DDI2: variants seen among roughly 807,000 people sequenced by gnomAD.
The protein encoded by DDI2 is DDI proteasomal shuttling factor 2.
In DDI2, 5 loss-of-function variants were observed where a neutral mutation model predicts 48.1. The observed-to-expected ratio is 0.10, with a 90% CI of 0.05 to 0.22. The LOEUF (loss-of-function observed/expected upper bound fraction) is 0.22. Among genes scored for constraint, DDI2 ranks in the 10% least tolerant of loss-of-function variants. The pLI is 1.00. For synonymous variants in DDI2, 205 were observed against 183.6 expected, an observed-to-expected ratio of 1.12 and a Z score of -0.94; for missense variants, 285 against 506.2, an observed-to-expected ratio of 0.56 and a Z score of 4.19.
At chr1:15,619,067 G>GA (rs1442891898) in intron 1 of DDI2, among the ~76,000 whole-genome samples, 3 of 152,208 alleles carry the variant, frequency 2.0e-5, no homozygotes, top group Non-Finnish European at 4.4e-5. Context: ...CTCATGTGGA[G>GA]AACTAGGAAA....
intron 6 of DDI2, 97 bp downstream of exon 6, chr1:15,643,747 T>G (rs1333972054): frequency 2.0e-6 from 3 of 1,484,386 alleles, no homozygotes; most frequent in African/African-American, 1.4e-5. Flanking sequence ...TGTTGTTATT[T>G]TGTTGTTGTT....
chr1:15,639,678 G>C (rs568591971), intron 5 of DDI2, among the ~76,000 whole-genome samples: 1 of 152,244 alleles, frequency 6.6e-6, no homozygotes, highest in African/African-American at 2.4e-5. Flanking sequence ...TGTGTAGGCT[G>C]ATTGGGAACT....
chr1:15,628,228 A>T (rs959430896), intron 2 of DDI2, among the ~76,000 whole-genome samples: 1 of 152,152 alleles, frequency 6.6e-6, no homozygotes. Context: ...CTTGACCTGC[A>T]AAGAGGGCCC....
chr1:15,665,265 A>T lies in DDI2; in HGVS notation c.*5475A>T, dbSNP rs991184199. 6.5e-6 allele frequency: 1 copy of T among 153,056 alleles called. No individual in the cohort carries two copies. Among genetic ancestry groups the T allele is most frequent in the Non-Finnish European group, 1.4e-5 (1 of 69,312 alleles). 9.5% of individuals were successfully genotyped at this position (153,056 alleles called of 1,614,324 possible). ...CAACAAGAGCAAAACTCTGTCTCAAAAAAAAAAAAAAAAAAGGTAACCAGT... is the reference window on the plus strand; with the variant it reads ...CAACAAGAGCAAAACTCTGTCTCAATAAAAAAAAAAAAAAAGGTAACCAGT... On this transcript the variant is annotated 3_prime_UTR_variant, in exon 10 of 10. Transcript: ENST00000480945.
In DDI2 at chr1:15,640,085, A is replaced by C. The variant is rs150943248; in HGVS notation, c.760+1651A>C. 8.9e-4 allele frequency among the ~76,000 whole-genome samples: 135 copies of C among 152,166 alleles called. 2 individuals carry two copies. In the East Asian group the frequency reaches 0.023, roughly 25 times the overall value. The stretch of plus-strand genomic sequence containing the variant: ...CCTGGGAGTTTAAAAAAAAACTGAA[A>C]TTATTCAGTTTAAAAAATATCTGTT... On this transcript the variant is annotated intron_variant, in intron 5 of 9. Coordinates refer to ENST00000480945, the MANE Select transcript of DDI2 (RefSeq NM_032341.5).
At chr1:15,635,734 G>T (rs1639917954) in intron 4 of DDI2, among the ~76,000 whole-genome samples, 1 of 152,142 alleles carries the variant, frequency 6.6e-6, no homozygotes, top group East Asian at 1.9e-4. Flanking sequence ...TGAAAACCTT[G>T]TACCTCTGAA....
intron 3 of DDI2, among the ~76,000 whole-genome samples, chr1:15,631,163 A>T (rs1330048380): frequency 6.6e-6 from 1 of 151,998 alleles, no homozygotes; most frequent in Non-Finnish European, 1.5e-5. Context: ...TTTTAACCTT[A>T]GTTAGATCTT....
rs1640443499 is a variant in DDI2, at chr1:15,665,748, C to CCTTG, written c.*5960_*5963dup. On this transcript the variant is annotated 3_prime_UTR_variant, in exon 10 of 10. Transcript: ENST00000480945. ...AAATATATATATATATAGCAAACAG[C>CCTTG]CTTGCAAATCATCGGCCAGAAAAGC... is the stretch of plus-strand genomic sequence containing the variant. The CCTTG allele has an allele frequency of 1.3e-5, 2 of 152,100 alleles. No homozygotes were observed. Among genetic ancestry groups the CCTTG allele is most frequent in the South Asian group, 4.1e-4 (2 of 4,828 alleles). The allele number at this position is 152,100 out of a possible 1,614,324, so 9.4% of individuals were successfully genotyped here.
At chr1:15,643,148 C>T (rs929176179) in intron 5 of DDI2, among the ~76,000 whole-genome samples, 5 of 152,092 alleles carry the variant, frequency 3.3e-5, no homozygotes, top group African/African-American at 7.2e-5. Context: ...GCAGGAGAAT[C>T]GTTTGAAGCC....
chr1:15,648,331 A>T (rs1266837052), intron 6 of DDI2, among the ~76,000 whole-genome samples: 1 of 152,220 alleles, frequency 6.6e-6, no homozygotes, highest in Non-Finnish European at 1.5e-5. Context: ...GATCAGCATG[A>T]AAAAACCCTT....
At chr1:15,642,504 C>T (rs1419982428) in intron 5 of DDI2, among the ~76,000 whole-genome samples, 5 of 152,250 alleles carry the variant, frequency 3.3e-5, no homozygotes, top group South Asian at 2.1e-4. Flanking sequence ...CATAGTGAGA[C>T]GGGATATTGC....
chr1:15,646,426 C>T lies in DDI2; in HGVS notation c.889+2776C>T, dbSNP rs377623592. Among the ~76,000 whole-genome samples the T allele has an allele frequency of 3.3e-5, 5 of 152,224 alleles. No homozygotes were observed. The South Asian group carries it at 6.2e-4, about 19-fold the overall frequency. On this transcript the variant is annotated intron_variant, in intron 6 of 9. Coordinates refer to ENST00000480945, the MANE Select transcript of DDI2 (RefSeq NM_032341.5). ...TTAGGGCTGGGCATGGTGGCTCATGCCTGTAATCCCAGCACTTTGGGACCC... is the reference window on the plus strand; with the variant it reads ...TTAGGGCTGGGCATGGTGGCTCATGTCTGTAATCCCAGCACTTTGGGACCC...
intron 3 of DDI2, among the ~76,000 whole-genome samples, chr1:15,632,437 G>A (rs1410079809): frequency 6.6e-6 from 1 of 152,078 alleles, no homozygotes; most frequent in Non-Finnish European, 1.5e-5. Flanking sequence ...GGAGGCTGAG[G>A]CAGGAGAATC....
chr1:15,638,530 CTTTT>C (rs775059343), intron 5 of DDI2, 96 bp downstream of exon 5: 7,203 of 568,372 alleles, frequency 0.013, no homozygotes, highest in South Asian at 0.013. Flanking sequence ...GATGGCTGTA[CTTTT>C]TTTTTTTTTT....
In DDI2 at chr1:15,643,587, C is replaced by T. The variant is rs763390859; in HGVS notation, c.826C>T (p.Arg276Cys). The change falls in exon 6 of 10, where the codon CGT becomes TGT. Residue 276 changes from arginine to cysteine, a missense_variant. Arg to Cys is a radical substitution (Grantham distance 180). Transcript: ENST00000480945. ...ERCNIMRLVD[R>C]RWAGIAKGVG... ...GTGTAACATAATGAGACTGGTGGACCGTCGGTGGGCAGGGATTGCCAAAGG... is the reference window on the plus strand; with the variant it reads ...GTGTAACATAATGAGACTGGTGGACTGTCGGTGGGCAGGGATTGCCAAAGG... The T allele has an allele frequency of 3.7e-6, 6 of 1,613,928 alleles. No homozygotes were observed. Among genetic ancestry groups the T allele is most frequent in the Admixed American group, 3.3e-5 (2 of 59,974 alleles).
intron 1 of DDI2, among the ~76,000 whole-genome samples, chr1:15,621,585 T>A (rs558062350): frequency 7.9e-5 from 12 of 152,270 alleles, no homozygotes; most frequent in African/African-American, 2.9e-4. Flanking sequence ...GGGGTTTCAC[T>A]GTGTTGGCCA....
intron 1 of DDI2, among the ~76,000 whole-genome samples, chr1:15,624,529 G>A (rs1011256653): frequency 1.3e-5 from 2 of 152,044 alleles, no homozygotes; most frequent in African/African-American, 2.4e-5. Flanking sequence ...GTGCAGTGGT[G>A]CAACCGCAGC....
chr1:15,626,762 G>T lies in DDI2; in HGVS notation c.232G>T (p.Glu78Ter). ...GGACGTTGTGATTTTACGACAGAAGGAGAATGCAGACCCTCGACCTCCAGT... is the reference window on the plus strand; with the variant it reads ...GGACGTTGTGATTTTACGACAGAAGTAGAATGCAGACCCTCGACCTCCAGT... The part of the protein sequence containing the change: ...DGDVVILRQK[E>*]NADPRPPVQF... Residue 78 changes from glutamate to a stop codon, truncating the protein, a stop_gained, in exon 2 of 10, where the codon GAG becomes TAG. Transcript: ENST00000480945. LOFTEE classifies it high-confidence loss of function. 6.2e-7 allele frequency: 1 copy of T among 1,614,180 alleles called. No individual in the cohort carries two copies. The highest frequency in any genetic ancestry group is 2.2e-5 in the East Asian group (1 of 44,892).
rs201357341 is a variant in DDI2 at position 15,643,070 on chromosome 1, CA to C, written c.761-441del. ...CGACAGAGCGAGACTGTCTCAACAA[CA>C]AAAAAAAAAACATTAGCTGGACATG... On this transcript the variant is annotated intron_variant, in intron 5 of 9. Transcript: ENST00000480945. Among the ~76,000 whole-genome samples, 37 of 143,730 alleles carry C rather than the reference CA, an allele frequency of 2.6e-4. No individual in the cohort carries two copies. The South Asian group carries it at 3.1e-3, about 12-fold the overall frequency. The allele number at this position is 143,730 out of a possible 152,430, so 94.3% of individuals were successfully genotyped here.
Sources: gnomAD v4.1 joint callset for allele counts (sites outside exome capture counted in the v4.1 genomes callset) on GRCh38, gnomAD v4.1.1 for gene constraint, MANE v1.5 for transcripts, NCBI Gene and HGNC (gene_info 2026-07-23, HGNC 2026-07-21) for gene names.